CTNNA3: variants seen among roughly 807,000 people sequenced by gnomAD.
The protein encoded by CTNNA3 is catenin alpha 3, also known as catenin alpha-3.
Under a neutral mutation model 95.7 loss-of-function variants are expected in CTNNA3, and 76 were observed. The ratio of observed to expected loss-of-function variants is 0.79; its 90% CI spans 0.66 to 0.96. The LOEUF is 0.96. Among genes scored for constraint, CTNNA3 ranks in the 40% least tolerant of loss-of-function variants. CTNNA3 has a pLI of 0.00. For synonymous variants in CTNNA3, 431 were observed against 374.4 expected (o/e 1.15, Z -1.74); for missense variants, 1,191 against 1,089.8 (o/e 1.09, Z -1.31).
intron 11 of CTNNA3, among the ~76,000 whole-genome samples, chr10:66,503,405 G>A (rs947314695): frequency 7.9e-5 from 12 of 152,096 alleles, no homozygotes; most frequent in Non-Finnish European, 1.6e-4. Context: ...ATTTCCCAAA[G>A]AGCATAGATT....
intron 9 of CTNNA3, among the ~76,000 whole-genome samples, chr10:66,717,167 C>A (rs1347183126): frequency 6.6e-6 from 1 of 152,040 alleles, no homozygotes; most frequent in Non-Finnish European, 1.5e-5. Flanking sequence ...AATATTGCAA[C>A]ATCAACTCTT....
intron 7 of CTNNA3, among the ~76,000 whole-genome samples, chr10:67,080,478 C>T (rs1218417891): frequency 1.3e-5 from 2 of 152,180 alleles, no homozygotes; most frequent in African/African-American, 2.4e-5. Context: ...CATCGCAATA[C>T]ATCTACTGAC....
chr10:67,058,664 G>C (rs1855580007), intron 7 of CTNNA3, among the ~76,000 whole-genome samples: 1 of 152,070 alleles, frequency 6.6e-6, no homozygotes, highest in African/African-American at 2.4e-5. Context: ...TAGGGAACAT[G>C]CTGATGTAGA....
chr10:67,265,526 C>T (rs1188730812), intron 5 of CTNNA3, among the ~76,000 whole-genome samples: 1 of 151,882 alleles, frequency 6.6e-6, no homozygotes. Flanking sequence ...TTCACAGAAC[C>T]CTTAAGGAGG....
At chr10:66,881,288 A>C (rs1160370156) in intron 7 of CTNNA3, among the ~76,000 whole-genome samples, 1 of 152,158 alleles carries the variant, frequency 6.6e-6, no homozygotes, top group African/African-American at 2.4e-5. Context: ...GTCTTCCAAC[A>C]TAGAAAATGC....
chr10:66,964,086 G>A (rs1434724140), intron 7 of CTNNA3, among the ~76,000 whole-genome samples: 2 of 151,768 alleles, frequency 1.3e-5, no homozygotes, highest in Admixed American at 6.6e-5. Context: ...TTCTGACCTC[G>A]TGATCTGCCT....
At chr10:66,191,990 G>C (rs2086696758) in intron 13 of CTNNA3, among the ~76,000 whole-genome samples, 2 of 152,134 alleles carry the variant, frequency 1.3e-5, no homozygotes, top group Non-Finnish European at 2.9e-5. Flanking sequence ...CATCCACTCT[G>C]TTGCCTTCTG....
At chr10:67,490,089 T>C (rs575782669) in intron 5 of CTNNA3, among the ~76,000 whole-genome samples, 7 of 152,304 alleles carry the variant, frequency 4.6e-5, no homozygotes, top group South Asian at 4.1e-4. Context: ...TTGCTTTCCA[T>C]TGCCCATGTT....
At chr10:66,906,642 AGTGT>A (rs556425674) in intron 7 of CTNNA3, among the ~76,000 whole-genome samples, 1 of 151,830 alleles carries the variant, frequency 6.6e-6, no homozygotes, top group African/African-American at 2.4e-5. Context: ...AAAAATTGAC[AGTGT>A]GTGTGTGTGT....
chr10:66,215,073 C>G (rs2088434701), intron 13 of CTNNA3, among the ~76,000 whole-genome samples: 1 of 151,992 alleles, frequency 6.6e-6, no homozygotes, highest in Admixed American at 6.6e-5. Context: ...AAAAGGAAGA[C>G]TTGATTTCAG....
intron 6 of CTNNA3, among the ~76,000 whole-genome samples, chr10:67,198,123 A>C (rs2132198206): frequency 6.6e-6 from 1 of 152,332 alleles, no homozygotes; most frequent in Non-Finnish European, 1.5e-5. Flanking sequence ...TTTTAAATTG[A>C]AAAGCCACAT....
chr10:67,710,338 G>A (rs1841100479), intron 1 of CTNNA3, among the ~76,000 whole-genome samples: 1 of 152,010 alleles, frequency 6.6e-6, no homozygotes, highest in Non-Finnish European at 1.5e-5. Flanking sequence ...GAGATGGGAG[G>A]TACTCACAGG....
At chr10:66,147,149 T>A (rs933116382) in intron 13 of CTNNA3, among the ~76,000 whole-genome samples, 1 of 152,118 alleles carries the variant, frequency 6.6e-6, no homozygotes, top group Non-Finnish European at 1.5e-5. Context: ...AGAGAAGAAT[T>A]TACAGGATTA....
At chr10:66,137,802 T>C (rs2083428944) in intron 13 of CTNNA3, among the ~76,000 whole-genome samples, 1 of 151,792 alleles carries the variant, frequency 6.6e-6, no homozygotes, top group Non-Finnish European at 1.5e-5. Context: ...TACAAAAAAG[T>C]AAGTGGGCAT....
At chr10:66,543,911 G>GTATATATATA (rs1198925758) in intron 10 of CTNNA3, among the ~76,000 whole-genome samples, 8 of 16,166 alleles carry the variant, frequency 4.9e-4, no homozygotes, top group African/African-American at 9.2e-4. Context: ...GTGTGTGTGT[G>GTATATATATA]TATATATATA....
intron 12 of CTNNA3, among the ~76,000 whole-genome samples, chr10:66,369,761 C>A (rs570950503): frequency 6.6e-6 from 1 of 152,058 alleles, no homozygotes; most frequent in African/African-American, 2.4e-5. Context: ...TTTGCTTTTA[C>A]GTCCATGAAG....
intron 9 of CTNNA3, among the ~76,000 whole-genome samples, chr10:66,690,631 G>A (rs1564621078): frequency 6.6e-6 from 1 of 151,732 alleles, no homozygotes; most frequent in East Asian, 1.9e-4. Flanking sequence ...TTTCATCCAT[G>A]TCCCTACAAA....
At chr10:67,426,880 G>A (rs1845941130) in intron 5 of CTNNA3, among the ~76,000 whole-genome samples, 2 of 151,712 alleles carry the variant, frequency 1.3e-5, no homozygotes, top group South Asian at 4.2e-4. Context: ...AATTTAAATA[G>A]CTAACTACTT....
intron 15 of CTNNA3, among the ~76,000 whole-genome samples, chr10:65,995,517 G>A (rs1315984589): frequency 6.6e-6 from 1 of 152,166 alleles, no homozygotes; most frequent in Non-Finnish European, 1.5e-5. Context: ...CAGGTGGGTT[G>A]GTCCTCAGGC....
Sources: allele counts gnomAD v4.1 joint callset (sites outside exome capture counted in the v4.1 genomes callset), GRCh38; gene constraint gnomAD v4.1.1; transcripts MANE v1.5; gene names NCBI Gene and HGNC (gene_info 2026-07-23, HGNC 2026-07-21).